The following SMCHD1 variants were observed in gnomAD, a reference collection of about 807,000 sequenced individuals.
SMCHD1 encodes the protein structural maintenance of chromosomes flexible hinge domain containing 1.
SMCHD1 carries 78 observed loss-of-function variants against 254.7 expected under a neutral mutation model. The ratio of observed to expected loss-of-function variants is 0.31; its 90% confidence interval spans 0.26 to 0.37. The LOEUF is 0.37. Among genes scored for constraint, SMCHD1 ranks in the 10% least tolerant of loss-of-function variants. The pLI, the probability that SMCHD1 is intolerant of heterozygous loss-of-function variation, is 1.00. For missense variants in SMCHD1, 1,840 were observed against 2,408.1 expected (o/e 0.76, Z 4.94); for synonymous variants, 766 against 794.9 (o/e 0.96, Z 0.61).
chr18:2,793,195 T>A (rs1302013815), intron 45 of SMCHD1, among the ~76,000 whole-genome samples: 6 of 152,208 alleles, frequency 3.9e-5, no homozygotes, highest in African/African-American at 1.4e-4. Context: ...TATTAACTCA[T>A]GTTTGGGAAG....
At chr18:2,756,852 A>G (rs2075690446) in intron 34 of SMCHD1, among the ~76,000 whole-genome samples, 1 of 152,108 alleles carries the variant, frequency 6.6e-6, no homozygotes, top group South Asian at 2.1e-4. Context: ...TGTTGTTCAT[A>G]CCGTTCTGTT....
intron 1 of SMCHD1, among the ~76,000 whole-genome samples, chr18:2,661,676 A>T (rs926651463): frequency 6.6e-6 from 1 of 152,240 alleles, no homozygotes; most frequent in African/African-American, 2.4e-5. Flanking sequence ...GCAATACTGG[A>T]TACAATTAGA....
intron 3 of SMCHD1, 147 bp downstream of exon 3, chr18:2,667,178 G>A (rs1170091179): frequency 1.7e-5 from 11 of 662,814 alleles, no homozygotes; most frequent in Middle Eastern, 4.2e-4. Flanking sequence ...AATTCATCAC[G>A]GTATTATTAT....
chr18:2,679,498 A>T (rs1221834944), intron 5 of SMCHD1, among the ~76,000 whole-genome samples: 1 of 148,208 alleles, frequency 6.7e-6, no homozygotes, highest in African/African-American at 2.5e-5. Flanking sequence ...AAAAAAAAAA[A>T]AGGAACTCTT....
chr18:2,787,346 G>T lies in SMCHD1; in HGVS notation c.5719+2725G>T, dbSNP rs141866146. Among the ~76,000 whole-genome samples, 655 of 152,240 alleles carry T rather than the reference G, an allele frequency of 4.3e-3. 3 individuals are homozygous for T. Among genetic ancestry groups the T allele is most frequent in the African/African-American group, 0.015 (638 of 41,528 alleles). On this transcript the variant is annotated intron_variant, in intron 45 of 47. Coordinates refer to ENST00000320876, the MANE Select transcript of SMCHD1 (RefSeq NM_015295.3). ...TCACCTCCCAACACCACCATACCAG[G>T]GATCAAATTTTAACATGAGCTTTGG...
Position 2,725,054 on chromosome 18 carries a change from GAATGAAATTGTA to G in SMCHD1, c.2700+67_2700+78del, listed in dbSNP as rs2074999270. 3 of 1,028,620 alleles carry G rather than the reference GAATGAAATTGTA, an allele frequency of 2.9e-6. No individual in the cohort carries two copies. In the South Asian group the frequency reaches 6.4e-5, roughly 22 times the overall value. 63.7% of individuals were successfully genotyped at this position (1,028,620 alleles called of 1,614,324 possible). On this transcript the variant is annotated intron_variant, in intron 21 of 47. Transcript: ENST00000320876. ...TAAGTATTTATTTATCATATGGTAA[GAATGAAATTGTA>G]AATGAAAAGTGGAATGACCTATTTT...
chr18:2,729,045 G>A lies in SMCHD1; in HGVS notation c.2914-230G>A, dbSNP rs150571430. Among the ~76,000 whole-genome samples the A allele has an allele frequency of 4.3e-4, 66 of 151,848 alleles. 1 individual carries two copies. The highest frequency in any genetic ancestry group is 1.6e-3 in the African/African-American group (65 of 41,434). On this transcript the variant is annotated intron_variant, in intron 23 of 47. Transcript: ENST00000320876. ...CAGTTAAGTAAAAAAGAAAAGGATT[G>A]TAATTGAGGAAGTTAGTTCTTTCCT...
chr18:2,803,198 G>GTGTATATATA lies in SMCHD1; in HGVS notation c.*647_*648insGTATATATAT, dbSNP rs376999188. ...ACTTATCCTGTGTGTGTGTGTGTGT[G>GTGTATATATA]TATATATATATATATATATAAATAT... is the stretch of plus-strand genomic sequence containing the variant. On this transcript the variant is annotated 3_prime_UTR_variant, in exon 48 of 48. Transcript: ENST00000320876. 3.7e-5 allele frequency: 5 copies of GTGTATATATA among 136,514 alleles called. No homozygotes were observed. Among genetic ancestry groups the GTGTATATATA allele is most frequent in the Admixed American group, 7.4e-5 (1 of 13,424 alleles). 8.5% of individuals were successfully genotyped at this position (136,514 alleles called of 1,614,324 possible). A position where few individuals can be genotyped will look rare whatever the true frequency, so the allele number is the denominator to read the frequency against.
At chr18:2,790,210 A>G (rs980066760) in intron 45 of SMCHD1, among the ~76,000 whole-genome samples, 1 of 151,948 alleles carries the variant, frequency 6.6e-6, no homozygotes, top group African/African-American at 2.4e-5. Context: ...AACTCAAGAA[A>G]AGCATCTTAT....
chr18:2,658,921 T>C (rs562473477), intron 1 of SMCHD1, among the ~76,000 whole-genome samples: 18 of 135,954 alleles, frequency 1.3e-4, no homozygotes, highest in African/African-American at 5.5e-4. Context: ...TATATACATA[T>C]ATACACATAT....
chr18:2,706,254 C>G (rs1568189735), intron 14 of SMCHD1, 110 bp from the exon 15 acceptor site: 1 of 682,298 alleles, frequency 1.5e-6, no homozygotes, highest in Non-Finnish European at 2.4e-6. Context: ...TATTTATGTA[C>G]TTAATTAGGA....
intron 17 of SMCHD1, among the ~76,000 whole-genome samples, chr18:2,708,124 A>C (rs930640933): frequency 1.3e-5 from 2 of 152,014 alleles, no homozygotes; most frequent in African/African-American, 2.4e-5. Context: ...TTCATCTTGA[A>C]TTTTTTCATG....
At chr18:2,678,303 C>CTTTT (rs554708832) in intron 5 of SMCHD1, among the ~76,000 whole-genome samples, 3 of 126,226 alleles carry the variant, frequency 2.4e-5, no homozygotes, top group East Asian at 2.3e-4. Flanking sequence ...TTCTTTCTTC[C>CTTTT]TTTTTTTTTT....
chr18:2,797,590 G>A (rs946200708), intron 47 of SMCHD1, among the ~76,000 whole-genome samples: 2 of 152,198 alleles, frequency 1.3e-5, no homozygotes, highest in African/African-American at 4.8e-5. Flanking sequence ...TTGGAATTCT[G>A]TAATTCTATG....
At chr18:2,785,494 A>G (rs1306057560) in intron 45 of SMCHD1, among the ~76,000 whole-genome samples, 2 of 150,140 alleles carry the variant, frequency 1.3e-5, no homozygotes, top group Non-Finnish European at 3.0e-5. Flanking sequence ...TAAAAATACA[A>G]AAAAAAAATT....
Position 2,711,673 on chromosome 18 carries a change from G to A in SMCHD1, c.2260+3753G>A, listed in dbSNP as rs370397147. Among the ~76,000 whole-genome samples, 672 of 151,230 alleles carry A rather than the reference G, an allele frequency of 4.4e-3. 4 individuals carry two copies. The highest frequency in any genetic ancestry group is 0.016 in the African/African-American group (650 of 41,248). On this transcript the variant is annotated intron_variant, in intron 17 of 47. Transcript: ENST00000320876. ...AATTTTTTGTATTTTTAGTAGAGAC[G>A]GGGTTTCACCGTTTTAGCCGGGATG...
intron 29 of SMCHD1, among the ~76,000 whole-genome samples, chr18:2,746,990 G>A (rs1385850569): frequency 3.3e-5 from 5 of 151,804 alleles, no homozygotes; most frequent in Admixed American, 2.6e-4. Flanking sequence ...TTAACCAAGG[G>A]CTAGAAAGCC....
chr18:2,702,292 T>TAAAAAAACAA, intron 12 of SMCHD1: 1 of 35,860 alleles, frequency 2.8e-5, no homozygotes, highest in Non-Finnish European at 1.2e-4. Flanking sequence ...CTTCTGTATT[T>TAAAAAAACAA]AAAAAAAAAA....
At chr18:2,768,982 A>T (rs1218789301) in intron 37 of SMCHD1, among the ~76,000 whole-genome samples, 1 of 152,088 alleles carries the variant, frequency 6.6e-6, no homozygotes, top group African/African-American at 2.4e-5. Context: ...CTACAGTGCC[A>T]TATCGATTTA....
Sources: gnomAD v4.1 joint callset for allele counts (sites outside exome capture counted in the v4.1 genomes callset) on GRCh38, gnomAD v4.1.1 for gene constraint, MANE v1.5 for transcripts, NCBI Gene and HGNC (gene_info 2026-07-23, HGNC 2026-07-21) for gene names.